Variants in TRIM49C observed in about 807,000 individuals in gnomAD.
TRIM49C encodes tripartite motif-containing protein 49C.
In TRIM49C, 6 loss-of-function variants were observed where a neutral mutation model predicts 21.4. That is an observed-to-expected ratio of 0.28 (90% CI 0.15 to 0.55). The LOEUF (loss-of-function observed/expected upper bound fraction) is 0.55, where lower values mean the gene tolerates loss of function less well. Ranked by LOEUF, TRIM49C falls within the 20% of genes least tolerant of loss-of-function variation. The probability of loss-of-function intolerance (pLI) is 0.94; values close to 1 mark genes in which losing one functional copy is unlikely to be tolerated. For missense variants in TRIM49C, 161 were observed against 442.4 expected, an observed-to-expected ratio of 0.36 and a Z score of 5.71; for synonymous variants, 57 against 148.1, an observed-to-expected ratio of 0.38 and a Z score of 4.47.
the TRIM49C span, chr11:90,057,997 TG>T: frequency 6.6e-7 from 1 of 1,511,904 alleles, no homozygotes; most frequent in African/African-American, 1.5e-5. Flanking sequence ...TGGGGATCCG[TG>T]GGAGCACTGA....
At chr11:90,072,167 T>C in the TRIM49C span, among the ~76,000 whole-genome samples, 5 of 141,806 alleles carry the variant, frequency 3.5e-5, 1 homozygote, top group East Asian at 1.1e-3. Context: ...AGTGACAGTG[T>C]TTTTTTAAAT....
chr11:90,034,744 A>G (rs1950713128), intron 2 of TRIM49C, among the ~76,000 whole-genome samples: 1 of 132,148 alleles, frequency 7.6e-6, no homozygotes, highest in South Asian at 2.6e-4. Flanking sequence ...GGCTTTTGTG[A>G]CCCTCTATAA....
chr11:90,056,313 G>T, the TRIM49C span, among the ~76,000 whole-genome samples: 1 of 131,034 alleles, frequency 7.6e-6, no homozygotes, highest in Non-Finnish European at 1.6e-5. Context: ...TACTGCATAG[G>T]AAGGTTTATA....
At chr11:90,037,095 GTA>G (rs1187381961) in intron 4 of TRIM49C, among the ~76,000 whole-genome samples, 1,996 of 132,816 alleles carry the variant, frequency 0.015, 87 homozygotes, top group African/African-American at 0.05. Flanking sequence ...ATGTATGTAT[GTA>G]TGTGTGTGTG....
At chr11:90,038,977 T>C (rs1352015484) in intron 6 of TRIM49C, among the ~76,000 whole-genome samples, 2 of 138,362 alleles carry the variant, frequency 1.4e-5, no homozygotes, top group East Asian at 2.2e-4. Context: ...TGGAGTGCAA[T>C]GGCGCCATCT....
intron 2 of TRIM49C, among the ~76,000 whole-genome samples, chr11:90,033,659 C>T (rs1288833614): frequency 7.4e-6 from 1 of 135,054 alleles, no homozygotes; most frequent in Non-Finnish European, 1.6e-5. Context: ...AATGAAACCG[C>T]CTGGCTGGGC....
In TRIM49C at chr11:90,035,578, T is replaced by G; in HGVS notation, c.367T>G (p.Tyr123Asp). The G allele has an allele frequency of 6.9e-7, 1 of 1,449,398 alleles. No individual in the cohort carries two copies. 89.8% of individuals were successfully genotyped at this position (1,449,398 alleles called of 1,614,324 possible). The part of the protein sequence containing the change: ...LLCSSSQEHR[Y>D]HRHRPIEWAA... ...GTGCTCCAGCTCTCAGGAGCACCGG[T>G]ATCACAGACACCGTCCCATTGAGTG... Residue 123 changes from tyrosine to aspartate, a missense_variant, in exon 3 of 8, where the codon TAT becomes GAT. Physicochemically the swap from Tyr to Asp is radical, Grantham distance 160. Around this residue, in one of 3 missense-constraint regions of TRIM49C, gnomAD observed 80 missense variants for 314.8 expected, o/e 0.25. Transcript: ENST00000448984.
At chr11:90,045,500 A>C (rs1178625291), downstream of TRIM49C, among the ~76,000 whole-genome samples, 2 of 56,226 alleles carry the variant, frequency 3.6e-5, no homozygotes, top group Non-Finnish European at 6.6e-5. Flanking sequence ...ACGTCTCTTT[A>C]AGTTGGATTC....
chr11:90,046,983 G>T (rs1950804620), downstream of TRIM49C, among the ~76,000 whole-genome samples: 1 of 124,398 alleles, frequency 8.0e-6, no homozygotes, highest in Admixed American at 9.1e-5. Flanking sequence ...GTTCTCGTTG[G>T]TTTCAAAGAA....
the TRIM49C span, chr11:90,057,985 C>G: frequency 0.49 from 736,051 of 1,516,022 alleles, 189,620 homozygotes; most frequent in Non-Finnish European, 0.52. Flanking sequence ...CTGTCCACTC[C>G]CTGGGGATCC....
chr11:90,036,886 A>G (rs1208542344), intron 4 of TRIM49C, among the ~76,000 whole-genome samples: 2 of 136,814 alleles, frequency 1.5e-5, no homozygotes, highest in South Asian at 5.0e-4. Flanking sequence ...GTAGAAAAGG[A>G]CAATAGAGGC....
rs766826814 is a variant in TRIM49C, at chr11:90,035,386, A to G, written c.175A>G (p.Thr59Ala). ...CCAGTGCTCTGAATGCACAAAGTCA[A>G]CAGAGCAGATAAACCTCAAAACCAA... Reference protein sequence around the residue: ...LVQCSECTKSTEQINLKTNIH... With the variant: ...LVQCSECTKSAEQINLKTNIH... The change falls in exon 3 of 8, where the codon ACA (threonine) becomes GCA (alanine). Residue 59 changes from threonine (T) to alanine (A), a missense_variant. Thr to Ala is a moderately conservative substitution (Grantham distance 58). Transcript: ENST00000448984. 29 of 1,486,070 alleles carry G rather than the reference A, an allele frequency of 2.0e-5. 4 individuals are homozygous for G. The African/African-American group carries it at 3.1e-4, about 16-fold the overall frequency. 92.1% of individuals were successfully genotyped at this position (1,486,070 alleles called of 1,614,324 possible). A position where few individuals can be genotyped will look rare whatever the true frequency, so the allele number is the denominator to read the frequency against.
chr11:90,036,641 T>C (rs1482478384), intron 4 of TRIM49C, among the ~76,000 whole-genome samples: 1 of 138,558 alleles, frequency 7.2e-6, no homozygotes. Context: ...TTTGTGGATG[T>C]ATATTTTGAG....
intron 4 of TRIM49C, among the ~76,000 whole-genome samples, chr11:90,037,273 C>A (rs1256954808): frequency 7.5e-6 from 1 of 132,866 alleles, no homozygotes; most frequent in Non-Finnish European, 1.6e-5. Context: ...ACAAAGATGG[C>A]CAAATCATAA....
At chr11:90,049,524 A>G in the TRIM49C span, among the ~76,000 whole-genome samples, 1 of 66,666 alleles carries the variant, frequency 1.5e-5, no homozygotes. Flanking sequence ...GCTAGCAATG[A>G]GTGAGGCTCT....
At chr11:90,035,790 G>A (rs1309787212) in intron 3 of TRIM49C, 98 bp from the exon 4 acceptor site, 1 of 535,148 alleles carries the variant, frequency 1.9e-6, no homozygotes, top group Non-Finnish European at 3.0e-6. Flanking sequence ...GGGAAACAAA[G>A]GAAATGCCAT....
the TRIM49C span, chr11:90,052,360 C>T: frequency 4.9e-6 from 1 of 202,386 alleles, no homozygotes; most frequent in African/African-American, 2.6e-5. Context: ...AGGGTCCTCT[C>T]GGGGCACACG....
At chr11:90,055,597 C>T in the TRIM49C span, among the ~76,000 whole-genome samples, 1 of 151,398 alleles carries the variant, frequency 6.6e-6, no homozygotes, top group Non-Finnish European at 1.5e-5. Context: ...TATCTTACAA[C>T]TTGGTGTGCC....
rs571459984 is a variant in TRIM49C at position 90,035,425 on chromosome 11, A to C, written c.214A>C (p.Lys72Gln). Residue 72 changes from lysine (K) to glutamine (Q), a missense_variant, in exon 3 of 8, where the codon AAG (lysine) becomes CAG (glutamine). Coordinates refer to ENST00000448984, the MANE Select transcript of TRIM49C (RefSeq NM_001195234.1). ...INLKTNIHLKKMASLARKVSL... is the reference protein window; with the variant it reads ...INLKTNIHLKQMASLARKVSL... ...CCTCAAAACCAACATTCATTTGAAG[A>C]AGATGGCTTCTCTTGCCAGAAAAGT... is the stretch of plus-strand genomic sequence containing the variant. 80 of 1,496,306 alleles carry C rather than the reference A, an allele frequency of 5.3e-5. 8 individuals are homozygous for C. Among genetic ancestry groups the C allele is most frequent in the African/African-American group, 3.3e-4 (22 of 66,866 alleles). The allele number at this position is 1,496,306 out of a possible 1,614,324, so 92.7% of individuals were successfully genotyped here. A position where few individuals can be genotyped will look rare whatever the true frequency, so the allele number is the denominator to read the frequency against.
Sources: gnomAD v4.1 joint callset for allele counts (sites outside exome capture counted in the v4.1 genomes callset) on GRCh38, gnomAD v4.1.1 for gene constraint, gnomAD v4.1.1 regional missense constraint, MANE v1.5 for transcripts, NCBI Gene and HGNC (gene_info 2026-07-23, HGNC 2026-07-21) for gene names.